The following CTNND2 variants were observed in gnomAD, a reference collection of about 807,000 sequenced individuals.
CTNND2 encodes the protein catenin delta 2.
CTNND2 carries 22 observed loss-of-function variants against 144.4 expected under a neutral mutation model. The observed-to-expected ratio is 0.15, with a 90% CI of 0.11 to 0.22. The LOEUF (loss-of-function observed/expected upper bound fraction) is 0.22. Ranked by LOEUF, CTNND2 falls within the 10% of genes least tolerant of loss-of-function variation. The pLI, the probability that CTNND2 is intolerant of heterozygous loss-of-function variation, is 1.00. For synonymous variants in CTNND2, 751 were observed against 695.6 expected, an observed-to-expected ratio of 1.08 and a Z score of -1.25; for missense variants, 1,353 against 1,618.8, an observed-to-expected ratio of 0.84 and a Z score of 2.82.
chr5:11,619,476 C>T (rs115430284), intron 2 of CTNND2, among the ~76,000 whole-genome samples: 100 of 152,246 alleles, frequency 6.6e-4, no homozygotes, highest in African/African-American at 2.4e-3. Context: ...TTATCTGGCA[C>T]TGCATGCAGT....
intron 7 of CTNND2, among the ~76,000 whole-genome samples, chr5:11,369,705 G>C (rs1272886063): frequency 1.3e-5 from 2 of 152,176 alleles, no homozygotes; most frequent in Non-Finnish European, 2.9e-5. Flanking sequence ...GAGGATGGAG[G>C]TAAAGGTGTT....
chr5:11,262,247 A>G (rs1365275623), intron 9 of CTNND2, among the ~76,000 whole-genome samples: 1 of 152,192 alleles, frequency 6.6e-6, no homozygotes, highest in Non-Finnish European at 1.5e-5. Flanking sequence ...AAAAGGGCCC[A>G]GTCAACCTGA....
chr5:11,174,318 G>T (rs929842348), intron 11 of CTNND2, among the ~76,000 whole-genome samples: 1 of 152,166 alleles, frequency 6.6e-6, no homozygotes, highest in African/African-American at 2.4e-5. Context: ...AGTCACAGAA[G>T]TAAAGAAATA....
Position 11,870,343 on chromosome 5 carries a change from C to T in CTNND2, c.37+33474G>A, listed in dbSNP as rs1029171325. ...AGGACAGCCCACAACAACAGTTATC[C>T]AGTCCATAATGCCAATAGTGCTGAA... On this transcript the variant is annotated intron_variant, in intron 1 of 21. Coordinates refer to ENST00000304623, the MANE Select transcript of CTNND2 (RefSeq NM_001332.4). Among the ~76,000 whole-genome samples the T allele has an allele frequency of 4.0e-4, 61 of 152,188 alleles. 1 individual carries two copies. Among genetic ancestry groups the T allele is most frequent in the Non-Finnish European group, 8.8e-5 (6 of 68,018 alleles).
intron 16 of CTNND2, among the ~76,000 whole-genome samples, chr5:11,050,468 T>C (rs1745718501): frequency 6.6e-6 from 1 of 152,244 alleles, no homozygotes; most frequent in African/African-American, 2.4e-5. Flanking sequence ...ATTACCTGGC[T>C]ATATTTAGTT....
intron 3 of CTNND2, among the ~76,000 whole-genome samples, chr5:11,541,849 C>T (rs1323958516): frequency 7.0e-6 from 1 of 142,302 alleles, no homozygotes; most frequent in East Asian, 2.1e-4. Context: ...CCCCCCCCCC[C>T]CGGCCAAAAG....
At chr5:11,637,301 G>C (rs1413145978) in intron 2 of CTNND2, among the ~76,000 whole-genome samples, 1 of 152,132 alleles carries the variant, frequency 6.6e-6, no homozygotes, top group African/African-American at 2.4e-5. Context: ...CAGAAGTATA[G>C]AGATATATTA....
At chr5:11,170,288 T>C (rs1233401049) in intron 11 of CTNND2, among the ~76,000 whole-genome samples, 4 of 152,328 alleles carry the variant, frequency 2.6e-5, no homozygotes, top group Admixed American at 6.5e-5. Flanking sequence ...GTTCTGCTTT[T>C]CATCTTTTGC....
At chr5:11,233,936 C>T (rs1741333957) in intron 10 of CTNND2, among the ~76,000 whole-genome samples, 1 of 152,166 alleles carries the variant, frequency 6.6e-6, no homozygotes, top group Admixed American at 6.5e-5. Flanking sequence ...ATATACCACC[C>T]TTCCCTTCCT....
intron 1 of CTNND2, among the ~76,000 whole-genome samples, chr5:11,826,580 G>T (rs543461352): frequency 7.0e-4 from 106 of 151,856 alleles, no homozygotes; most frequent in African/African-American, 2.5e-3. Flanking sequence ...TTTAAAAAGT[G>T]ATATCCAATC....
At chr5:11,486,280 C>A (rs567323094) in intron 3 of CTNND2, among the ~76,000 whole-genome samples, 1 of 152,262 alleles carries the variant, frequency 6.6e-6, no homozygotes, top group African/African-American at 2.4e-5. Context: ...GTAGATCACA[C>A]TGGGTGATAA....
chr5:11,127,012 G>C (rs1224703352), intron 12 of CTNND2, among the ~76,000 whole-genome samples: 1 of 152,244 alleles, frequency 6.6e-6, no homozygotes, highest in Non-Finnish European at 1.5e-5. Flanking sequence ...TGAACAGCCT[G>C]TGCAAATACC....
intron 16 of CTNND2, among the ~76,000 whole-genome samples, chr5:11,056,810 A>C (rs72729271): frequency 0.012 from 1,904 of 152,322 alleles, 19 homozygotes; most frequent in Admixed American, 0.025. Context: ...TGCAATGCAG[A>C]TATGTGATGC....
intron 1 of CTNND2, among the ~76,000 whole-genome samples, chr5:11,842,116 C>A (rs1407001267): frequency 1.4e-5 from 2 of 145,474 alleles, no homozygotes; most frequent in East Asian, 2.0e-4. Flanking sequence ...CAAATTCTCA[C>A]AACCTTAAAA....
At chr5:11,592,736 G>A (rs933865928) in intron 2 of CTNND2, among the ~76,000 whole-genome samples, 2 of 151,564 alleles carry the variant, frequency 1.3e-5, no homozygotes, top group South Asian at 4.2e-4. Context: ...TTCTGGGGGG[G>A]TAAGGGGCCT....
At chr5:11,813,401 G>A (rs985058876) in intron 1 of CTNND2, among the ~76,000 whole-genome samples, 4 of 152,216 alleles carry the variant, frequency 2.6e-5, no homozygotes, top group South Asian at 4.1e-4. Context: ...TCAGCCACCC[G>A]AATCTTGGAA....
intron 10 of CTNND2, among the ~76,000 whole-genome samples, chr5:11,210,919 A>C (rs1738563129): frequency 1.3e-5 from 2 of 152,200 alleles, no homozygotes; most frequent in Non-Finnish European, 2.9e-5. Context: ...GTCAGGAATT[A>C]AGTAAGGAAA....
chr5:11,403,238 T>G (rs1445433094), intron 5 of CTNND2, among the ~76,000 whole-genome samples: 1 of 152,102 alleles, frequency 6.6e-6, no homozygotes, highest in Non-Finnish European at 1.5e-5. Flanking sequence ...GTATGTGATG[T>G]TCCCTTCCCT....
chr5:11,507,058 C>T lies in CTNND2; in HGVS notation c.287+57886G>A, dbSNP rs1256221342. On this transcript the variant is annotated intron_variant, in intron 3 of 21. Transcript: ENST00000304623. Reference sequence around the variant, plus strand: ...TCTGATCCTTTCTTTTCACAGTCTCCGACCTACTTCAGACCTCATCACCTT... The same window carrying T: ...TCTGATCCTTTCTTTTCACAGTCTCTGACCTACTTCAGACCTCATCACCTT... Among the ~76,000 whole-genome samples the T allele has an allele frequency of 3.3e-5, 5 of 152,234 alleles. No individual in the cohort carries two copies. In the South Asian group the frequency reaches 6.2e-4, roughly 19 times the overall value.
Sources: gnomAD v4.1 joint callset for allele counts (sites outside exome capture counted in the v4.1 genomes callset) on GRCh38, gnomAD v4.1.1 for gene constraint, MANE v1.5 for transcripts, NCBI Gene and HGNC (gene_info 2026-07-23, HGNC 2026-07-21) for gene names.